Variants in PM20D2 observed in about 807,000 individuals in gnomAD.
PM20D2 encodes xaa-Arg dipeptidase.
Under a neutral mutation model 42.9 loss-of-function variants are expected in PM20D2, and 33 were observed. That is an observed-to-expected ratio of 0.77 (90% CI 0.58 to 1.03). The LOEUF is 1.03. Among genes scored for constraint, PM20D2 ranks in the 50% least tolerant of loss-of-function variants. PM20D2 has a pLI of 0.00. For missense variants in PM20D2, 548 were observed against 557.0 expected, an observed-to-expected ratio of 0.98 and a Z score of 0.16; for synonymous variants, 250 against 228.2, an observed-to-expected ratio of 1.10 and a Z score of -0.86.
chr6:89,162,181 T>G lies in PM20D2; in HGVS notation c.1229T>G (p.Phe410Cys), dbSNP rs1771267361. The change falls in exon 7 of 7, where the codon TTT becomes TGT. Residue 410 changes from phenylalanine (F) to cysteine (C), a missense_variant. By Grantham distance (205) the Phe-to-Cys change is radical (BLOSUM62 -2). Transcript: ENST00000275072. ...GCAATGACGGCACTGGATGTTATTT[T>G]TAAACCAGAGTTACTGGAAGGAATC... is the stretch of plus-strand genomic sequence containing the variant. The part of the protein sequence containing the change: ...ALAMTALDVI[F>C]KPELLEGIRE... 1 of 1,614,148 alleles carries G rather than the reference T, an allele frequency of 6.2e-7. No homozygotes were observed. The highest frequency in any genetic ancestry group is 8.5e-7 in the Non-Finnish European group (1 of 1,179,942).
the PM20D2 span, chr6:89,106,946 TG>T: frequency 3.3e-6 from 2 of 607,788 alleles, no homozygotes; most frequent in Non-Finnish European, 6.1e-6. Context: ...TCTCGCCTGC[TG>T]GGTTTATGCT....
chr6:89,102,175 G>A, the PM20D2 span, among the ~76,000 whole-genome samples: 14 of 152,044 alleles, frequency 9.2e-5, no homozygotes, highest in Non-Finnish European at 1.8e-4. Context: ...ACAGAGTCTT[G>A]CTCTGTCACT....
the PM20D2 span, among the ~76,000 whole-genome samples, chr6:89,103,432 G>GATT: frequency 1.3e-5 from 2 of 151,824 alleles, no homozygotes. Flanking sequence ...AGGTTCAAGC[G>GATT]ATTCTCCTGC....
At chr6:89,131,708 T>C in the PM20D2 span, among the ~76,000 whole-genome samples, 2 of 152,164 alleles carry the variant, frequency 1.3e-5, no homozygotes, top group East Asian at 3.9e-4. Flanking sequence ...TCCAGTGACA[T>C]GGAAAGTCTT....
chr6:89,127,217 C>T, the PM20D2 span, among the ~76,000 whole-genome samples: 1 of 152,044 alleles, frequency 6.6e-6, no homozygotes, highest in Non-Finnish European at 1.5e-5. Flanking sequence ...TTTTGCAACC[C>T]CTAATGAAGT....
chr6:89,107,228 T>A, the PM20D2 span: 1 of 1,614,006 alleles, frequency 6.2e-7, no homozygotes, highest in Non-Finnish European at 8.5e-7. Flanking sequence ...TAGGGCCATA[T>A]CGACCAAACT....
the PM20D2 span, among the ~76,000 whole-genome samples, chr6:89,133,863 C>T: frequency 2.0e-5 from 3 of 151,224 alleles, no homozygotes; most frequent in South Asian, 4.1e-4. Flanking sequence ...CCTGGACTAA[C>T]ACCAGACATA....
At chr6:89,131,426 A>G in the PM20D2 span, among the ~76,000 whole-genome samples, 1 of 143,474 alleles carries the variant, frequency 7.0e-6, no homozygotes, top group Admixed American at 7.2e-5. Flanking sequence ...GGTGGCTCAC[A>G]CCTGTAATCT....
the PM20D2 span, among the ~76,000 whole-genome samples, chr6:89,120,585 C>T: frequency 6.6e-6 from 1 of 152,018 alleles, no homozygotes; most frequent in Non-Finnish European, 1.5e-5. Context: ...AATATATTGG[C>T]CAGGCGTGGT....
intron 1 of PM20D2, among the ~76,000 whole-genome samples, chr6:89,147,385 T>G (rs925679394): frequency 1.3e-5 from 2 of 152,224 alleles, no homozygotes; most frequent in African/African-American, 4.8e-5. Flanking sequence ...TCATACTCTT[T>G]AGTTCATTTC....
At chr6:89,142,285 C>T (rs1285705208), upstream of PM20D2, among the ~76,000 whole-genome samples, 2 of 152,208 alleles carry the variant, frequency 1.3e-5, no homozygotes, top group African/African-American at 4.8e-5. Context: ...CATGTGCTAT[C>T]TAGTGCGTGT....
the PM20D2 span, among the ~76,000 whole-genome samples, chr6:89,095,104 G>A: frequency 6.6e-6 from 1 of 152,072 alleles, no homozygotes; most frequent in African/African-American, 2.4e-5. Context: ...ATTATGCCAC[G>A]TGAAGATACC....
At chr6:89,119,537 A>G in the PM20D2 span, among the ~76,000 whole-genome samples, 1 of 152,236 alleles carries the variant, frequency 6.6e-6, no homozygotes, top group Non-Finnish European at 1.5e-5. Flanking sequence ...ACAAAAGCTT[A>G]GAATGCTTAC....
the PM20D2 span, among the ~76,000 whole-genome samples, chr6:89,114,904 C>T: frequency 6.6e-6 from 1 of 151,170 alleles, no homozygotes; most frequent in Non-Finnish European, 1.5e-5. Context: ...TCAAGCGATT[C>T]TCCTGTCTCC....
In PM20D2 at chr6:89,154,788, C is replaced by G. The variant is rs572657940; in HGVS notation, c.798C>G (p.Pro266=). 53 of 1,587,230 alleles carry G rather than the reference C, an allele frequency of 3.3e-5. No individual in the cohort carries two copies. The South Asian group carries it at 5.8e-4, about 17-fold the overall frequency. Residue 266 remains proline, a synonymous_variant, in exon 4 of 7, where the codon CCC becomes CCG. Coordinates refer to ENST00000275072, the MANE Select transcript of PM20D2 (RefSeq NM_001010853.3). The part of the protein sequence containing the change: ...KNGGVKPNII[P]SYSELIYYFR... ...GTGGTGTAAAACCCAATATCATTCC[C>G]TCTTATTCTGAATTAATCTATTACT...
intron 1 of PM20D2, among the ~76,000 whole-genome samples, chr6:89,147,892 TAA>T (rs200954837): frequency 2.2e-5 from 3 of 138,210 alleles, no homozygotes; most frequent in Admixed American, 7.3e-5. Flanking sequence ...GGCCTCCTCT[TAA>T]AAAAAAAAAG....
the PM20D2 span, chr6:89,096,994 G>A: frequency 6.6e-6 from 1 of 152,168 alleles, no homozygotes; most frequent in Non-Finnish European, 1.5e-5. Context: ...ATTTTGCTAT[G>A]ATTAGAGAAA....
chr6:89,127,825 C>G, the PM20D2 span, among the ~76,000 whole-genome samples: 1 of 152,170 alleles, frequency 6.6e-6, no homozygotes, highest in Admixed American at 6.5e-5. Flanking sequence ...AATGGAGGGA[C>G]CGGCTGGAGC....
At chr6:89,130,816 CTTCTTTTTTTTTTTTTTTTTTT>C in the PM20D2 span, among the ~76,000 whole-genome samples, 1 of 50,938 alleles carries the variant, frequency 2.0e-5, no homozygotes, top group Non-Finnish European at 3.7e-5. Flanking sequence ...CTGGCTTCTT[CTTCTTTTTTTTTTTTTTTTTTT>C]TTTTTTTTTT....
Sources: gnomAD v4.1 joint callset for allele counts (sites outside exome capture counted in the v4.1 genomes callset) on GRCh38, gnomAD v4.1.1 for gene constraint, MANE v1.5 for transcripts, NCBI Gene and HGNC (gene_info 2026-07-23, HGNC 2026-07-21) for gene names.